The following NCALD variants were observed in gnomAD, a reference collection of about 807,000 sequenced individuals.
NCALD encodes neurocalcin delta.
Under a neutral mutation model 18.6 loss-of-function variants are expected in NCALD, and 10 were observed. The ratio of observed to expected loss-of-function variants is 0.54; its 90% CI spans 0.33 to 0.91. The LOEUF (loss-of-function observed/expected upper bound fraction) is 0.91. Among genes scored for constraint, NCALD ranks in the 40% least tolerant of loss-of-function variants. The pLI is 0.03. For synonymous variants in NCALD, 88 were observed against 87.4 expected, an observed-to-expected ratio of 1.01 and a Z score of -0.04; for missense variants, 184 against 247.6, an observed-to-expected ratio of 0.74 and a Z score of 1.72.
chr8:101,787,660 C>T (rs1223447004), intron 1 of NCALD, among the ~76,000 whole-genome samples: 1 of 152,120 alleles, frequency 6.6e-6, no homozygotes, highest in African/African-American at 2.4e-5. Context: ...TATTAATACC[C>T]CCTGTATTGG....
chr8:102,020,216 A>G (rs1586933718), intron 2 of NCALD: 1 of 152,294 alleles, frequency 6.6e-6, no homozygotes, highest in South Asian at 2.1e-4. Context: ...CAAACCTAAG[A>G]AAAACTTGTT....
chr8:101,723,594 A>G (rs1414812002), intron 1 of NCALD, among the ~76,000 whole-genome samples: 1 of 152,218 alleles, frequency 6.6e-6, no homozygotes, highest in Non-Finnish European at 1.5e-5. Context: ...ACCAATAAAA[A>G]AAGGACTCCA....
At chr8:101,769,221 G>T (rs4734594) in intron 1 of NCALD, among the ~76,000 whole-genome samples, 98,629 of 152,118 alleles carry the variant, frequency 0.65, 33,880 homozygotes, top group Non-Finnish European at 0.76. Context: ...ACTAAATTTG[G>T]GATGATTTGT....
intron 4 of NCALD, among the ~76,000 whole-genome samples, chr8:101,819,878 C>T (rs534415723): frequency 1.3e-5 from 2 of 152,340 alleles, no homozygotes; most frequent in South Asian, 2.1e-4. Flanking sequence ...AGCTGGCGGA[C>T]ATTCCAGGAG....
At chr8:102,106,073 A>AT (rs542211380) in intron 1 of NCALD, among the ~76,000 whole-genome samples, 2,872 of 143,652 alleles carry the variant, frequency 0.02, 67 homozygotes, top group African/African-American at 0.061. Flanking sequence ...TAGAACAACA[A>AT]TTTTTTTTTT....
chr8:101,947,551 T>C (rs1251938576), intron 2 of NCALD, among the ~76,000 whole-genome samples: 3 of 152,192 alleles, frequency 2.0e-5, no homozygotes, highest in African/African-American at 7.2e-5. Context: ...AAAGACTGCA[T>C]TGACATGGAT....
chr8:101,785,606 G>A (rs915982142), intron 1 of NCALD, among the ~76,000 whole-genome samples: 2 of 152,118 alleles, frequency 1.3e-5, no homozygotes, highest in Non-Finnish European at 2.9e-5. Flanking sequence ...AAGATTGGGG[G>A]CTATTTATTA....
At chr8:101,913,542 C>T (rs1817874339) in intron 3 of NCALD, among the ~76,000 whole-genome samples, 1 of 151,620 alleles carries the variant, frequency 6.6e-6, no homozygotes, top group Non-Finnish European at 1.5e-5. Context: ...TGTTTGTTTT[C>T]ATTTTTGTTG....
intron 1 of NCALD, chr8:102,020,303 A>G (rs1822229783): frequency 6.6e-6 from 1 of 152,206 alleles, no homozygotes; most frequent in Admixed American, 6.5e-5. Flanking sequence ...TCAAAAATAA[A>G]AGTATTGTCT....
chr8:101,739,364 T>C (rs536313780), intron 1 of NCALD, among the ~76,000 whole-genome samples: 1 of 152,352 alleles, frequency 6.6e-6, no homozygotes, highest in East Asian at 1.9e-4. Context: ...CTAACAGTTT[T>C]ATTTAGTTTA....
intron 2 of NCALD, among the ~76,000 whole-genome samples, chr8:101,711,606 G>A (rs1815795638): frequency 6.6e-6 from 1 of 151,728 alleles, no homozygotes; most frequent in Non-Finnish European, 1.5e-5. Flanking sequence ...AAGACAGCAC[G>A]AGAACTTTGT....
intron 2 of NCALD, among the ~76,000 whole-genome samples, chr8:101,920,519 C>T (rs920440323): frequency 2.6e-5 from 4 of 152,104 alleles, no homozygotes; most frequent in African/African-American, 9.7e-5. Flanking sequence ...ATATGTGGTA[C>T]ATATATACCA....
At chr8:101,885,089 A>C (rs1258355501) in intron 4 of NCALD, among the ~76,000 whole-genome samples, 2 of 152,140 alleles carry the variant, frequency 1.3e-5, no homozygotes, top group East Asian at 3.9e-4. Flanking sequence ...GAAAAATGAA[A>C]TTCCATGTAA....
chr8:101,708,187 C>G (rs1255948556), intron 2 of NCALD, among the ~76,000 whole-genome samples: 3 of 152,186 alleles, frequency 2.0e-5, no homozygotes, highest in African/African-American at 7.2e-5. Context: ...CTGGGGCCAA[C>G]TACATTCTTT....
At chr8:102,005,392 G>A (rs1821661729) in intron 2 of NCALD, among the ~76,000 whole-genome samples, 1 of 152,178 alleles carries the variant, frequency 6.6e-6, no homozygotes, top group Non-Finnish European at 1.5e-5. Flanking sequence ...TGCTGGAGAG[G>A]ATGTGGAGAA....
At chr8:101,805,126 C>G (rs1813051733) in intron 4 of NCALD, among the ~76,000 whole-genome samples, 1 of 152,108 alleles carries the variant, frequency 6.6e-6, no homozygotes, top group African/African-American at 2.4e-5. Flanking sequence ...AATAATCCTT[C>G]TAAGGGCATA....
chr8:101,714,661 C>G lies in NCALD; in HGVS notation c.378+4591G>C, dbSNP rs1289552884. 2.0e-5 allele frequency among the ~76,000 whole-genome samples: 3 copies of G among 151,820 alleles called. No individual in the cohort carries two copies. In the East Asian group the frequency reaches 5.8e-4, roughly 29 times the overall value. The stretch of plus-strand genomic sequence containing the variant: ...AAGTACTTTAAATTTCATATGAAAC[C>G]AAAAAAGAGCCTGTATAGCCAAGAC... On this transcript the variant is annotated intron_variant, in intron 2 of 3. Coordinates refer to ENST00000220931, the MANE Select transcript of NCALD (RefSeq NM_032041.3).
At chr8:102,006,038 A>G (rs187609123) in intron 2 of NCALD, among the ~76,000 whole-genome samples, 26 of 152,264 alleles carry the variant, frequency 1.7e-4, no homozygotes, top group African/African-American at 5.8e-4. Flanking sequence ...ATAATAAAAA[A>G]AAAAAACTGG....
At chr8:101,876,503 T>C (rs918101831) in intron 4 of NCALD, among the ~76,000 whole-genome samples, 11 of 152,202 alleles carry the variant, frequency 7.2e-5, no homozygotes, top group Non-Finnish European at 1.6e-4. Context: ...ACCATGACAG[T>C]TGTAGGCATC....
Sources: gnomAD v4.1 joint callset for allele counts (sites outside exome capture counted in the v4.1 genomes callset) on GRCh38, gnomAD v4.1.1 for gene constraint, MANE v1.5 for transcripts, NCBI Gene and HGNC (gene_info 2026-07-23, HGNC 2026-07-21) for gene names.